Variants in TRIM14 observed in about 807,000 individuals in gnomAD.
TRIM14 encodes tripartite motif containing 14, also known as tripartite motif-containing protein 14.
A neutral mutation model predicts 44.5 loss-of-function variants in TRIM14; 28 were observed. The observed-to-expected ratio is 0.63, with a 90% confidence interval of 0.47 to 0.86. The LOEUF is 0.86. TRIM14 is among the 40% of genes least tolerant of loss of function. The pLI, the probability that TRIM14 is intolerant of heterozygous loss-of-function variation, is 0.00. For missense variants in TRIM14, 607 were observed against 611.1 expected (o/e 0.99, Z 0.07); for synonymous variants, 299 against 269.2 (o/e 1.11, Z -1.08).
intron 6 of TRIM14, among the ~76,000 whole-genome samples, chr9:98,072,022 C>T (rs1490028392): frequency 6.6e-6 from 1 of 152,206 alleles, no homozygotes; most frequent in African/African-American, 2.4e-5. Context: ...CCTTGGTTTT[C>T]CTTCCCTCTG....
chr9:98,072,497 C>T (rs1318731045), intron 6 of TRIM14, among the ~76,000 whole-genome samples: 1 of 151,930 alleles, frequency 6.6e-6, no homozygotes, highest in Non-Finnish European at 1.5e-5. Flanking sequence ...CTGCAACCTC[C>T]ACCTCACGGG....
chr9:98,056,726 T>C, the TRIM14 span: 26 of 1,522,750 alleles, frequency 1.7e-5, no homozygotes, highest in Non-Finnish European at 2.2e-5. Context: ...TCTCGCAGCG[T>C]TGCTCACAGA....
intron 4 of TRIM14, among the ~76,000 whole-genome samples, chr9:98,094,406 T>A (rs1048000262): frequency 2.0e-5 from 3 of 152,004 alleles, no homozygotes; most frequent in Non-Finnish European, 4.4e-5. Flanking sequence ...TAGCAGGACA[T>A]GGGCAGGCCC....
intron 6 of TRIM14, chr9:98,075,460 GAGGGAGGGAGGA>G (rs1356631616): frequency 6.7e-6 from 1 of 149,926 alleles, no homozygotes; most frequent in Non-Finnish European, 1.5e-5. Flanking sequence ...GGAGGAAAGG[GAGGGAGGGAGGA>G]AGGAAGGGAG....
chr9:98,104,224 C>T (rs1043267570), intron 2 of TRIM14, among the ~76,000 whole-genome samples: 2 of 152,112 alleles, frequency 1.3e-5, no homozygotes, highest in Non-Finnish European at 2.9e-5. Flanking sequence ...ACTGAATGAT[C>T]AAATGAAGAA....
In TRIM14 at chr9:98,101,442, T is replaced by C. The variant is rs916475214; in HGVS notation, c.304-1278A>G. On this transcript the variant is annotated intron_variant, in intron 2 of 5. Coordinates refer to ENST00000341469, the MANE Select transcript of TRIM14 (RefSeq NM_014788.4). ...ATAGCTATCAATTTTTTTTTTTTTT[T>C]CAGACGAAGTTTTGCTCTTGTCGCC... Among the ~76,000 whole-genome samples, 4 of 151,354 alleles carry C rather than the reference T, an allele frequency of 2.6e-5. No homozygotes were observed. The East Asian group carries it at 5.8e-4, about 22-fold the overall frequency.
At chr9:98,115,590 G>T (rs1273063279) in intron 1 of TRIM14, among the ~76,000 whole-genome samples, 1 of 151,722 alleles carries the variant, frequency 6.6e-6, no homozygotes, top group African/African-American at 2.4e-5. Flanking sequence ...CACCATGTTG[G>T]CCAGGCTGAT....
chr9:98,042,638 G>A, the TRIM14 span, among the ~76,000 whole-genome samples: 5 of 152,162 alleles, frequency 3.3e-5, no homozygotes, highest in African/African-American at 1.2e-4. Flanking sequence ...TTGGGAGGCC[G>A]AGGAGGGCAG....
intron 3 of TRIM14, among the ~76,000 whole-genome samples, chr9:98,096,707 T>A (rs1273669983): frequency 6.6e-6 from 1 of 152,124 alleles, no homozygotes; most frequent in Admixed American, 6.5e-5. Context: ...TCTCTTGACC[T>A]GCCTGTTTCT....
Position 98,099,955 on chromosome 9 carries a change from C to G in TRIM14, c.513G>C (p.Glu171Asp). 6.2e-7 allele frequency: 1 copy of G among 1,613,604 alleles called. No individual in the cohort carries two copies. The highest frequency in any genetic ancestry group is 8.5e-7 in the Non-Finnish European group (1 of 1,180,018). The change falls in exon 3 of 6, where the codon GAG becomes GAC. Residue 171 changes from glutamate to aspartate, a missense_variant. Coordinates refer to ENST00000341469, the MANE Select transcript of TRIM14 (RefSeq NM_014788.4). ...CCTGAAGCCTCTGGACAGGATCGGG[C>G]TCCTGGCTGATACTCCAGACCCTGT... ...LSNRVWSISQ[E>D]PDPVQRLQAY...
At chr9:98,107,024 A>G (rs1279633457) in intron 2 of TRIM14, among the ~76,000 whole-genome samples, 3 of 152,126 alleles carry the variant, frequency 2.0e-5, no homozygotes, top group Admixed American at 6.6e-5. Flanking sequence ...ATGGTAAACA[A>G]GCACATGAAT....
At chr9:98,108,904 G>A (rs1284897914) in intron 2 of TRIM14, among the ~76,000 whole-genome samples, 6 of 147,632 alleles carry the variant, frequency 4.1e-5, no homozygotes, top group Non-Finnish European at 7.4e-5. Flanking sequence ...TTTTGATAGG[G>A]TTTTGCTCTG....
the TRIM14 span, among the ~76,000 whole-genome samples, chr9:98,046,767 C>T: frequency 6.6e-6 from 1 of 152,108 alleles, no homozygotes; most frequent in Admixed American, 6.5e-5. Context: ...AAAAGATTTC[C>T]ATATTTTTAT....
downstream of TRIM14, among the ~76,000 whole-genome samples, chr9:98,079,926 A>G (rs1829777118): frequency 6.6e-6 from 1 of 152,082 alleles, no homozygotes; most frequent in Admixed American, 6.6e-5. Context: ...GTTAAATCCC[A>G]CCTGAGGCCA....
chr9:98,105,583 A>C (rs1162072463), intron 2 of TRIM14, among the ~76,000 whole-genome samples: 1 of 152,148 alleles, frequency 6.6e-6, no homozygotes, highest in Non-Finnish European at 1.5e-5. Flanking sequence ...TGTCTCAAAA[A>C]ACAAACAAAC....
At chr9:98,061,916 G>T in the TRIM14 span, among the ~76,000 whole-genome samples, 1 of 151,850 alleles carries the variant, frequency 6.6e-6, no homozygotes, top group Non-Finnish European at 1.5e-5. Context: ...GTTTCTCCCA[G>T]TAGAAAATGG....
downstream of TRIM14, among the ~76,000 whole-genome samples, chr9:98,065,431 C>T (rs984589377): frequency 4.7e-5 from 7 of 149,050 alleles, no homozygotes; most frequent in African/African-American, 1.5e-4. Context: ...ATTCTCCTGC[C>T]TCAGCCTCCC....
Position 98,087,936 on chromosome 9 carries a change from G to T in TRIM14, c.863C>A (p.Thr288Lys), listed in dbSNP as rs752551468. Residue 288 changes from threonine to lysine, a missense_variant, in exon 6 of 6, where the codon ACG (threonine) becomes AAG (lysine). Thr to Lys is a moderately conservative substitution (Grantham distance 78). Coordinates refer to ENST00000341469, the MANE Select transcript of TRIM14 (RefSeq NM_014788.4). ...ARLRLSADRL[T>K]VRCGLLGSLG... ...GCTGCCCAGCAGGCCGCAGCGCACC[G>T]TCAGGCGATCGGCGGACAGGCGCAG... 1.3e-6 allele frequency: 2 copies of T among 1,566,616 alleles called. No homozygotes were observed. The highest frequency in any genetic ancestry group is 2.8e-5 in the African/African-American group (2 of 70,996).
At chr9:98,056,922 CA>C in the TRIM14 span, 1 of 1,604,152 alleles carries the variant, frequency 6.2e-7, no homozygotes, top group Non-Finnish European at 8.5e-7. Context: ...TAGCCAAGCG[CA>C]TGATCCGCAT....
Sources: allele counts gnomAD v4.1 joint callset (sites outside exome capture counted in the v4.1 genomes callset), GRCh38; gene constraint gnomAD v4.1.1; transcripts MANE v1.5; gene names NCBI Gene and HGNC (gene_info 2026-07-23, HGNC 2026-07-21).